The following DUSP22 variants were observed in gnomAD, a reference collection of about 807,000 sequenced individuals.
The protein encoded by DUSP22 is dual specificity protein phosphatase 22.
In DUSP22, 24 loss-of-function variants were observed where a neutral mutation model predicts 24.5. That is an observed-to-expected ratio of 0.98 (90% CI 0.71 to 1.38). DUSP22 has a LOEUF of 1.38. DUSP22 is among the 40% of genes most tolerant of loss of function. The pLI is 0.00. For synonymous variants in DUSP22, 160 were observed against 106.4 expected (o/e 1.50, Z -3.10); for missense variants, 330 against 269.2 (o/e 1.23, Z -1.58).
chr6:293,967 G>A (rs913788964), intron 1 of DUSP22, among the ~76,000 whole-genome samples: 3 of 152,374 alleles, frequency 2.0e-5, no homozygotes, highest in South Asian at 2.1e-4. Context: ...ATAAGTCTGT[G>A]GGCTCCGTTT....
intron 2 of DUSP22, among the ~76,000 whole-genome samples, chr6:310,816 A>C (rs1378359060): frequency 6.6e-6 from 1 of 152,306 alleles, no homozygotes; most frequent in Non-Finnish European, 1.5e-5. Context: ...TGCTAACTAC[A>C]AAATGGTCTC....
At chr6:309,581 G>T (rs1414976468) in intron 2 of DUSP22, among the ~76,000 whole-genome samples, 1 of 152,290 alleles carries the variant, frequency 6.6e-6, no homozygotes, top group Non-Finnish European at 1.5e-5. Flanking sequence ...CATCATCAAG[G>T]CTTGTTAGAG....
intron 3 of DUSP22, among the ~76,000 whole-genome samples, chr6:321,242 T>C (rs1392187698): frequency 6.6e-6 from 1 of 152,308 alleles, no homozygotes; most frequent in Non-Finnish European, 1.5e-5. Flanking sequence ...TCCTGGCACT[T>C]TGGGAGCTCA....
At chr6:346,129 T>A (rs1759858381) in intron 5 of DUSP22, among the ~76,000 whole-genome samples, 1 of 152,310 alleles carries the variant, frequency 6.6e-6, no homozygotes, top group Admixed American at 6.5e-5. Flanking sequence ...CTAACTCGTT[T>A]TGCTTTTGTT....
At position 348,112 on chromosome 6, in the gene DUSP22, G is replaced by A. The variant is rs774420295; in HGVS notation, c.273G>A (p.Gly91=). Residue 91 remains glycine, a synonymous_variant, in exon 6 of 7, where the codon GGG becomes GGA. Coordinates refer to ENST00000419235, the MANE Select transcript of DUSP22 (RefSeq NM_001286555.3). Reference sequence around the variant, plus strand: ...TCTCTTGGCCCCGCAGCCTGGCCGGGGTCTCCAGGAGCGTGACACTGGTGA... The same window carrying A: ...TCTCTTGGCCCCGCAGCCTGGCCGGAGTCTCCAGGAGCGTGACACTGGTGA... ...GESCLVHCLA[G]VSRSVTLVIA... 4.8e-5 allele frequency: 78 copies of A among 1,614,086 alleles called. No homozygotes were observed. Among genetic ancestry groups the A allele is most frequent in the Non-Finnish European group, 6.6e-5 (78 of 1,180,006 alleles).
At chr6:296,186 CT>C (rs1353414320) in intron 1 of DUSP22, among the ~76,000 whole-genome samples, 2 of 152,386 alleles carry the variant, frequency 1.3e-5, no homozygotes, top group African/African-American at 4.8e-5. Context: ...GAAACTAAAA[CT>C]TTTTTTTTAT....
At chr6:293,344 T>C (rs1364032199) in intron 1 of DUSP22, among the ~76,000 whole-genome samples, 1 of 152,290 alleles carries the variant, frequency 6.6e-6, no homozygotes, top group Non-Finnish European at 1.5e-5. Flanking sequence ...GGTGTATTCA[T>C]GTGAACCACA....
intron 3 of DUSP22, among the ~76,000 whole-genome samples, chr6:323,483 G>C (rs113843526): frequency 4.1e-3 from 624 of 152,172 alleles, no homozygotes; most frequent in African/African-American, 0.014. Flanking sequence ...ATCTGAGTTA[G>C]AGCTTCTTTC....
At chr6:309,679 A>AACAGACACACACACAC (rs1554099005) in intron 2 of DUSP22, among the ~76,000 whole-genome samples, 20 of 138,550 alleles carry the variant, frequency 1.4e-4, no homozygotes, top group Admixed American at 4.6e-4. Context: ...ACTCATGTAG[A>AACAGACACACACACAC]ACACACACAC....
At chr6:293,480 C>A (rs551952596) in intron 1 of DUSP22, among the ~76,000 whole-genome samples, 1 of 152,290 alleles carries the variant, frequency 6.6e-6, no homozygotes, top group East Asian at 1.9e-4. Context: ...TTAGATGAGT[C>A]GTCTTTCTGC....
chr6:327,365 G>A (rs1217597594), intron 3 of DUSP22, among the ~76,000 whole-genome samples: 2 of 152,312 alleles, frequency 1.3e-5, no homozygotes, highest in Non-Finnish European at 2.9e-5. Context: ...GCACTGGACG[G>A]TGACTCCAGG....
At chr6:312,936 C>T (rs549588835) in intron 3 of DUSP22, among the ~76,000 whole-genome samples, 1 of 152,246 alleles carries the variant, frequency 6.6e-6, no homozygotes, top group African/African-American at 2.4e-5. Context: ...GATCTCCGAG[C>T]TCCTACTTCC....
At position 341,156 on chromosome 6, in the gene DUSP22, T is replaced by C. The variant is rs201554708; in HGVS notation, c.189-4698T>C. Among the ~76,000 whole-genome samples, 506 of 152,194 alleles carry C rather than the reference T, an allele frequency of 3.3e-3. No individual in the cohort carries two copies. In the East Asian group the frequency reaches 0.057, roughly 17 times the overall value. ...GAGCGGGCATGATAGCCCCGGGCGC[T>C]GTTTGGTGAGTTTCTAACGCAAGCG... On this transcript the variant is annotated intron_variant, in intron 4 of 6. Coordinates refer to ENST00000419235, the MANE Select transcript of DUSP22 (RefSeq NM_001286555.3).
intron 1 of DUSP22, 46 bp downstream of exon 1, chr6:292,606 C>T (rs1264809573): frequency 1.3e-6 from 2 of 1,576,454 alleles, no homozygotes; most frequent in Middle Eastern, 1.7e-4. Context: ...CGCTCCGACG[C>T]CCTGCCGTCT....
chr6:327,338 A>G (rs538172091), intron 3 of DUSP22, among the ~76,000 whole-genome samples: 798 of 152,116 alleles, frequency 5.2e-3, no homozygotes, highest in African/African-American at 0.018. Flanking sequence ...GAGGAGAGTG[A>G]AGGTGGAGGC....
At chr6:329,460 T>C (rs1229428145) in intron 3 of DUSP22, among the ~76,000 whole-genome samples, 2 of 152,310 alleles carry the variant, frequency 1.3e-5, no homozygotes, top group Non-Finnish European at 2.9e-5. Flanking sequence ...ATGGTAAATC[T>C]TTGCTTTTTT....
intron 3 of DUSP22, among the ~76,000 whole-genome samples, chr6:329,929 T>TTTC (rs1296968892): frequency 9.2e-5 from 14 of 152,422 alleles, no homozygotes; most frequent in South Asian, 4.1e-4. Flanking sequence ...TTTTTTTTTT[T>TTTC]TTCAGGGTCA....
intron 6 of DUSP22, 156 bp from the exon 7 acceptor site, chr6:348,613 C>G: frequency 7.6e-7 from 1 of 1,315,792 alleles, no homozygotes; most frequent in African/African-American, 1.5e-5. Context: ...TTGCTTGACC[C>G]TGGCTGGCCA....
chr6:308,742 C>T (rs1352023559), intron 2 of DUSP22, among the ~76,000 whole-genome samples: 1 of 152,302 alleles, frequency 6.6e-6, no homozygotes, highest in African/African-American at 2.4e-5. Flanking sequence ...CGTATGAAAC[C>T]ATTGAATCAT....
Sources: allele counts gnomAD v4.1 joint callset (sites outside exome capture counted in the v4.1 genomes callset), GRCh38; gene constraint gnomAD v4.1.1; transcripts MANE v1.5; gene names NCBI Gene and HGNC (gene_info 2026-07-23, HGNC 2026-07-21).